ERCC2: variants seen among roughly 807,000 people sequenced by gnomAD.
The protein encoded by ERCC2 is general transcription and DNA repair factor IIH helicase subunit XPD.
ERCC2 carries 90 observed loss-of-function variants against 99.4 expected under a neutral mutation model. The ratio of observed to expected loss-of-function variants is 0.91; its 90% CI spans 0.76 to 1.08. The LOEUF is 1.08. Among genes scored for constraint, ERCC2 ranks in the 50% least tolerant of loss-of-function variants. The pLI is 0.00. For synonymous variants in ERCC2, 497 were observed against 432.4 expected (o/e 1.15, Z -1.85); for missense variants, 993 against 1,038.1 (o/e 0.96, Z 0.60).
chr19:45,367,366 TATACACAC>T (rs775105523), intron 5 of ERCC2, among the ~76,000 whole-genome samples: 37,501 of 90,392 alleles, frequency 0.41, 5,612 homozygotes, highest in South Asian at 0.46. Flanking sequence ...TATATATATA[TATACACAC>T]ACACACACAC....
chr19:45,368,682 G>T lies in ERCC2; in HGVS notation c.308C>A (p.Pro103Gln), dbSNP rs142462393. 6.2e-7 allele frequency: 1 copy of T among 1,614,154 alleles called. No individual in the cohort carries two copies. The change falls in exon 5 of 23, where the codon CCG becomes CAG. Residue 103 changes from proline (P) to glutamine (Q), a missense_variant. Around this residue, in one of 3 missense-constraint regions of ERCC2, gnomAD observed 909 missense variants for 930.8 expected, o/e 0.98. Coordinates refer to ENST00000391945, the MANE Select transcript of ERCC2 (RefSeq NM_000400.4). ...FYEKQEGEKL[P>Q]FLGLALSSRK... ...GGAGCTCAGAGCCAGTCCCAGAAAC[G>T]GCAGCTTCTCGCCCTCCTGCTTCTC...
At chr19:45,360,303 T>G (rs537376126) in intron 12 of ERCC2, among the ~76,000 whole-genome samples, 14 of 151,240 alleles carry the variant, frequency 9.3e-5, no homozygotes, top group Admixed American at 9.2e-4. Context: ...AGGATGGTCT[T>G]GATCTCCTGA....
intron 19 of ERCC2, 21 bp from the exon 20 acceptor site, chr19:45,352,837 G>A (rs1447208391): frequency 6.2e-7 from 1 of 1,611,920 alleles, no homozygotes; most frequent in South Asian, 1.1e-5. Context: ...GAGGAGAGGG[G>A]GCGAGGGGGG....
chr19:45,351,084 C>CAG lies in ERCC2; in HGVS notation c.*543_*544dup. 6.2e-7 allele frequency: 1 copy of CAG among 1,612,678 alleles called. No homozygotes were observed. On this transcript the variant is annotated 3_prime_UTR_variant, in exon 23 of 23. Transcript: ENST00000391945. ...GGTAGGTGCAGAGATGAGGCAAAGG[C>CAG]AGGGCGGTCGGGCCAGTGGTGGAGT... is the stretch of plus-strand genomic sequence containing the variant.
chr19:45,370,199 C>T lies in ERCC2; in HGVS notation c.39G>A (p.Pro13=). ...LNVDGLLVYF[P]YDYIYPEQFS... is the part of the protein sequence containing the mutation. ...ACTGCTCGGGGTAGATGTAGTCGTA[C>T]GGGAAGTAGACCAGGAGCCCGTCCA... is the stretch of plus-strand genomic sequence containing the variant. The change falls in exon 2 of 23, where the codon CCG becomes CCA. Residue 13 remains proline, a synonymous_variant. Transcript: ENST00000391945. 1 of 1,613,450 alleles carries T rather than the reference C, an allele frequency of 6.2e-7. No homozygotes were observed. The highest frequency in any genetic ancestry group is 8.5e-7 in the Non-Finnish European group (1 of 1,179,490).
chr19:45,361,960 G>A (rs568874023), intron 11 of ERCC2: 24 of 348,670 alleles, frequency 6.9e-5, no homozygotes, highest in Middle Eastern at 1.3e-3. Flanking sequence ...TTGTTCAGAT[G>A]GAGTCTTGCC....
At chr19:45,361,129 CAA>C (rs534908305) in intron 12 of ERCC2, among the ~76,000 whole-genome samples, 67 of 112,364 alleles carry the variant, frequency 6.0e-4, no homozygotes, top group Non-Finnish European at 6.1e-4. Context: ...GACTCCGTCT[CAA>C]AAAAAAAAAA....
intron 11 of ERCC2, among the ~76,000 whole-genome samples, chr19:45,363,065 G>T (rs1035611187): frequency 7.2e-5 from 11 of 152,268 alleles, no homozygotes; most frequent in African/African-American, 2.2e-4. Context: ...GTGAAGTAAA[G>T]ACCCGACTCC....
Position 45,352,835 on chromosome 19 carries a change from G to A in ERCC2, c.1832-19C>T, listed in dbSNP as rs373952505. 1.2e-5 allele frequency: 20 copies of A among 1,611,818 alleles called. No homozygotes were observed. The Admixed American group carries it at 2.0e-4, about 16-fold the overall frequency. On this transcript the variant is annotated intron_variant, in intron 19 of 22. Coordinates refer to ENST00000391945, the MANE Select transcript of ERCC2 (RefSeq NM_000400.4). ...TGGTGCACTGGTGGGCAGAGGAGAGGGGGCGAGGGGGGTTACAAGTGTGGC... is the reference window on the plus strand; with the variant it reads ...TGGTGCACTGGTGGGCAGAGGAGAGAGGGCGAGGGGGGTTACAAGTGTGGC...
chr19:45,355,719 G>C lies in ERCC2; in HGVS notation c.1489C>G (p.Arg497Gly). ...RVCLCPMIIG[R>G]GNDQVAISSK... ...CTGATGGCCACCTGGTCATTGCCACGGCCGATGATCTGGAGAGCAACAGAG... is the reference window on the plus strand; with the variant it reads ...CTGATGGCCACCTGGTCATTGCCACCGCCGATGATCTGGAGAGCAACAGAG... The change falls in exon 16 of 23, where the codon CGT (arginine) becomes GGT (glycine). Residue 497 changes from arginine to glycine, a missense_variant. Transcript: ENST00000391945. 6.2e-7 allele frequency: 1 copy of C among 1,614,076 alleles called. No homozygotes were observed. The highest frequency in any genetic ancestry group is 8.5e-7 in the Non-Finnish European group (1 of 1,179,972).
rs1460173030 is a variant in ERCC2 at position 45,351,308 on chromosome 19, A to G, written c.*321T>C. The G allele has an allele frequency of 6.2e-7, 1 of 1,612,604 alleles. No individual in the cohort carries two copies. Among genetic ancestry groups the G allele is most frequent in the African/African-American group, 1.3e-5 (1 of 75,010 alleles). On this transcript the variant is annotated 3_prime_UTR_variant, in exon 23 of 23. Coordinates refer to ENST00000391945, the MANE Select transcript of ERCC2 (RefSeq NM_000400.4). ...CAGTTTCCCAGCTGGCACCTGGACAAGGCCCCTCGGACCCTCAGCGCCAGC... is the reference window on the plus strand; with the variant it reads ...CAGTTTCCCAGCTGGCACCTGGACAGGGCCCCTCGGACCCTCAGCGCCAGC...
intron 19 of ERCC2, 29 bp downstream of exon 19, chr19:45,353,054 C>A: frequency 6.2e-7 from 1 of 1,604,978 alleles, no homozygotes; most frequent in Non-Finnish European, 8.5e-7. Context: ...TGGGAAGACA[C>A]CTGGGGAGGA....
Position 45,350,749 on chromosome 19 carries a change from TGA to T in ERCC2, c.*878_*879del, listed in dbSNP as rs747576027. 31 of 1,607,252 alleles carry T rather than the reference TGA, an allele frequency of 1.9e-5. No homozygotes were observed. Among genetic ancestry groups the T allele is most frequent in the Non-Finnish European group, 2.6e-5 (31 of 1,177,402 alleles). ...CGAGGCGGCGGCAGGAGCAGCCGGG[TGA>T]GTGTTGATCAGGTCGGCAAAGAGCC... is the stretch of plus-strand genomic sequence containing the variant. On this transcript the variant is annotated 3_prime_UTR_variant, in exon 23 of 23. Coordinates refer to ENST00000391945, the MANE Select transcript of ERCC2 (RefSeq NM_000400.4).
At chr19:45,367,929 ACT>A (rs759896268) in intron 5 of ERCC2, among the ~76,000 whole-genome samples, 13 of 142,762 alleles carry the variant, frequency 9.1e-5, no homozygotes, top group Non-Finnish European at 2.0e-4. Flanking sequence ...ACAGAGTCTC[ACT>A]CTGTCACCCA....
intron 16 of ERCC2, 78 bp from the exon 17 acceptor site, chr19:45,354,929 G>T: frequency 6.3e-7 from 1 of 1,590,964 alleles, no homozygotes. Flanking sequence ...GGAGTTTCTG[G>T]AAACCCCACT....
chr19:45,356,676 G>A (rs1280212796), intron 15 of ERCC2, among the ~76,000 whole-genome samples: 2 of 152,166 alleles, frequency 1.3e-5, no homozygotes, highest in Non-Finnish European at 2.9e-5. Flanking sequence ...TGGGCATCGT[G>A]GCACATGCCT....
In ERCC2 at chr19:45,359,072, A is replaced by G. The variant is rs576627061; in HGVS notation, c.1238-1373T>C. 6 of 600,540 alleles carry G rather than the reference A, an allele frequency of 1.0e-5. No individual in the cohort carries two copies. The South Asian group carries it at 1.0e-4, about 10-fold the overall frequency. The allele number at this position is 600,540 out of a possible 1,614,324, so 37.2% of individuals were successfully genotyped here. On this transcript the variant is annotated intron_variant, in intron 12 of 22. Coordinates refer to ENST00000391945, the MANE Select transcript of ERCC2 (RefSeq NM_000400.4). ...TCCAGTAGGAGACAGACTTGTCCTC[A>G]GATAGTGATGACTGAGAGTGGGCAG...
intron 15 of ERCC2, 81 bp downstream of exon 15, chr19:45,357,189 C>A: frequency 1.0e-6 from 1 of 974,348 alleles, no homozygotes; most frequent in South Asian, 1.4e-5. Context: ...CCTGCCTGAG[C>A]AGTGGGGGAA....
chr19:45,364,200 G>C (rs1972338057), intron 9 of ERCC2, 35 bp downstream of exon 9: 2 of 1,611,768 alleles, frequency 1.2e-6, no homozygotes, highest in Non-Finnish European at 1.7e-6. Flanking sequence ...CCCAGGGGCA[G>C]GGCGGGCACC....
Sources: gnomAD v4.1 joint callset for allele counts (sites outside exome capture counted in the v4.1 genomes callset) on GRCh38, gnomAD v4.1.1 for gene constraint, gnomAD v4.1.1 regional missense constraint, MANE v1.5 for transcripts, NCBI Gene and HGNC (gene_info 2026-07-23, HGNC 2026-07-21) for gene names.